Variants in EIF3B observed in about 807,000 individuals in gnomAD.
EIF3B encodes the protein eukaryotic translation initiation factor 3 subunit B, also known as eukaryotic translation initiation factor 3 subunit 9.
Under a neutral mutation model 104.6 loss-of-function variants are expected in EIF3B, and 10 were observed. The ratio of observed to expected loss-of-function variants is 0.10; its 90% CI spans 0.06 to 0.16. The LOEUF (loss-of-function observed/expected upper bound fraction) is 0.16. Among genes scored for constraint, EIF3B ranks in the 10% least tolerant of loss-of-function variants. The pLI, the probability that EIF3B is intolerant of heterozygous loss-of-function variation, is 1.00. For synonymous variants in EIF3B, 542 were observed against 417.2 expected (o/e 1.30, Z -3.65); for missense variants, 1,014 against 1,087.9 (o/e 0.93, Z 0.96).
chr7:2,366,009 T>C (rs1780005669), intron 6 of EIF3B, among the ~76,000 whole-genome samples: 1 of 152,150 alleles, frequency 6.6e-6, no homozygotes, highest in Non-Finnish European at 1.5e-5. Context: ...TTGTTAGTCT[T>C]TATTAAACAT....
At position 2,380,248 on chromosome 7, in the gene EIF3B, C is replaced by A. The variant is rs991040774; in HGVS notation, c.*59C>A. On this transcript the variant is annotated 3_prime_UTR_variant, in exon 19 of 19. Transcript: ENST00000360876. ...GTTCCCGCGCTGAGCTACAGGACTC[C>A]CGAGTGTGAGCCGCGGTTCCTCTGT... is the stretch of plus-strand genomic sequence containing the variant. The A allele has an allele frequency of 2.1e-6, 1 of 473,222 alleles. No individual in the cohort carries two copies. The highest frequency in any genetic ancestry group is 2.2e-5 in the Admixed American group (1 of 45,132). The allele number at this position is 473,222 out of a possible 1,614,324, so 29.3% of individuals were successfully genotyped here.
In EIF3B at chr7:2,362,628, G is replaced by C. The variant is rs765195711; in HGVS notation, c.693-17G>C. The C allele has an allele frequency of 6.2e-7, 1 of 1,614,014 alleles. No individual in the cohort carries two copies. Among genetic ancestry groups the C allele is most frequent in the Admixed American group, 1.7e-5 (1 of 60,016 alleles). On this transcript the variant is annotated splice_polypyrimidine_tract_variant and intron_variant, in intron 2 of 18. Coordinates refer to ENST00000360876, the MANE Select transcript of EIF3B (RefSeq NM_001037283.2). ...CCTTACAGTGTGGGTATGTGCCAAC[G>C]GCCCTCTCTCACTCAGGTATATTTT...
At chr7:2,365,667 GTTTGTTTGT>G (rs1779973572) in intron 6 of EIF3B, among the ~76,000 whole-genome samples, 1 of 107,852 alleles carries the variant, frequency 9.3e-6, no homozygotes, top group African/African-American at 3.1e-5. Context: ...TTGTTTGTTT[GTTTGTTTGT>G]TTTGTTTTTT....
intron 5 of EIF3B, 102 bp from the exon 6 acceptor site, chr7:2,364,270 A>C (rs1779889535): frequency 2.5e-6 from 3 of 1,207,170 alleles, no homozygotes; most frequent in Non-Finnish European, 3.4e-6. Context: ...AAAAAAAAAA[A>C]AAGTTTGTAG....
At chr7:2,368,206 G>A (rs1403554140) in intron 9 of EIF3B, among the ~76,000 whole-genome samples, 1 of 152,104 alleles carries the variant, frequency 6.6e-6, no homozygotes, top group African/African-American at 2.4e-5. Flanking sequence ...ACAGTGGCGT[G>A]ATCTCGGCTG....
chr7:2,366,116 G>A (rs968475156), intron 6 of EIF3B, among the ~76,000 whole-genome samples: 2 of 152,062 alleles, frequency 1.3e-5, no homozygotes, highest in Admixed American at 6.6e-5. Context: ...TGGAGAAACC[G>A]GAGCGCCTGC....
In EIF3B at chr7:2,380,553, G is replaced by A; in HGVS notation, c.*364G>A. On this transcript the variant is annotated 3_prime_UTR_variant, in exon 19 of 19. Coordinates refer to ENST00000360876, the MANE Select transcript of EIF3B (RefSeq NM_001037283.2). ...GGCACCTTCTCCTGCGCCCAGTGAT[G>A]TTTCCACGGTGCCTGTACACAGCCG... 2.6e-6 allele frequency: 1 copy of A among 389,694 alleles called. No homozygotes were observed. Among genetic ancestry groups the A allele is most frequent in the Non-Finnish European group, 5.1e-6 (1 of 196,522 alleles). The allele number at this position is 389,694 out of a possible 1,614,324, so 24.1% of individuals were successfully genotyped here.
chr7:2,363,848 A>G, intron 5 of EIF3B, 88 bp downstream of exon 5: 3 of 1,444,752 alleles, frequency 2.1e-6, no homozygotes, highest in East Asian at 4.7e-5. Flanking sequence ...AGAAAACTGG[A>G]AGAGCAGGTG....
rs986569973 is a variant in EIF3B, at chr7:2,355,413, C to T, written c.492C>T (p.Ser164=). ...SDPEDFVDDV[S]EEELLGDVLK... ...CCGAGGACTTCGTGGACGACGTGAG[C>T]GAGGAAGGTGAGGGCGCCCGGGGCG... The change falls in exon 1 of 19, where the codon AGC becomes AGT. Residue 164 remains serine, a synonymous_variant. Transcript: ENST00000360876. 17 of 1,462,288 alleles carry T rather than the reference C, an allele frequency of 1.2e-5. No homozygotes were observed. Among genetic ancestry groups the T allele is most frequent in the African/African-American group, 1.5e-5 (1 of 68,926 alleles). 90.6% of individuals were successfully genotyped at this position (1,462,288 alleles called of 1,614,324 possible).
intron 15 of EIF3B, among the ~76,000 whole-genome samples, chr7:2,377,329 G>A (rs951327352): frequency 6.6e-6 from 1 of 152,234 alleles, no homozygotes; most frequent in Admixed American, 6.5e-5. Context: ...AGATGCCAGG[G>A]CCATTAAAAA....
At chr7:2,369,393 AGTT>A (rs1176906318) in intron 9 of EIF3B, 76 bp from the exon 10 acceptor site, 4 of 1,446,858 alleles carry the variant, frequency 2.8e-6, no homozygotes, top group South Asian at 2.3e-5. Flanking sequence ...ATAGCAAATG[AGTT>A]GTTCTATTCT....
chr7:2,375,574 G>A (rs201532895), intron 14 of EIF3B, 47 bp downstream of exon 14: 7 of 1,611,762 alleles, frequency 4.3e-6, no homozygotes, highest in Non-Finnish European at 5.9e-6. Context: ...GAAGCAGGGA[G>A]TGCTGGCTAG....
In EIF3B at chr7:2,360,804, C is replaced by G. The variant is rs1779686750; in HGVS notation, c.594C>G (p.Asp198Glu). Residue 198 changes from aspartate (D) to glutamate (E), a missense_variant, in exon 2 of 19, where the codon GAC (aspartate) becomes GAG (glutamate). Asp to Glu is a conservative substitution (Grantham distance 45, BLOSUM62 2). Around this residue, in one of 4 missense-constraint regions of EIF3B, gnomAD observed 488 missense variants for 404.3 expected, o/e 1.21. Coordinates refer to ENST00000360876, the MANE Select transcript of EIF3B (RefSeq NM_001037283.2). ...VVDNVPQVGP[D>E]RLEKLKNVIH... ...ACAATGTCCCTCAGGTGGGACCCGA[C>G]CGACTTGAGAAACTCAAAAATGTCA... 2 of 1,613,602 alleles carry G rather than the reference C, an allele frequency of 1.2e-6. No individual in the cohort carries two copies. Among genetic ancestry groups the G allele is most frequent in the Non-Finnish European group, 1.7e-6 (2 of 1,179,708 alleles).
rs763848296 is a variant in EIF3B, at chr7:2,374,521, C to CT, written c.1811-4dup. On this transcript the variant is annotated splice_polypyrimidine_tract_variant and splice_region_variant and intron_variant, in intron 12 of 18. Transcript: ENST00000360876. The stretch of plus-strand genomic sequence containing the variant: ...CAGCTCGTGACAGGCGCGCTCTTTC[C>CT]TTTCAGAGATGTTCGACAAGCAGCA... 3.7e-6 allele frequency: 6 copies of CT among 1,613,850 alleles called. No homozygotes were observed. The highest frequency in any genetic ancestry group is 5.1e-6 in the Non-Finnish European group (6 of 1,179,848).
intron 9 of EIF3B, 48 bp from the exon 10 acceptor site, chr7:2,369,424 C>T (rs532553945): frequency 2.3e-5 from 36 of 1,579,390 alleles, no homozygotes; most frequent in East Asian, 4.5e-5. Flanking sequence ...TTTTCAGTTT[C>T]GTCATCACTT....
At chr7:2,368,862 T>C (rs1194202254) in intron 9 of EIF3B, among the ~76,000 whole-genome samples, 1 of 152,242 alleles carries the variant, frequency 6.6e-6, no homozygotes, top group Non-Finnish European at 1.5e-5. Context: ...CTTTCGTTTT[T>C]ACATTCTTGG....
In EIF3B at chr7:2,355,241, C is replaced by T. The variant is rs1034549113; in HGVS notation, c.320C>T (p.Ala107Val). 15 of 1,522,840 alleles carry T rather than the reference C, an allele frequency of 9.9e-6. No individual in the cohort carries two copies. The highest frequency in any genetic ancestry group is 2.1e-4 in the Middle Eastern group (1 of 4,874). The allele number at this position is 1,522,840 out of a possible 1,614,324, so 94.3% of individuals were successfully genotyped here. A position where few individuals can be genotyped will look rare whatever the true frequency, so the allele number is the denominator to read the frequency against. Residue 107 changes from alanine to valine, a missense_variant, in exon 1 of 19, where the codon GCC becomes GTC. Physicochemically the swap from Ala to Val is moderately conservative, Grantham distance 64. Transcript: ENST00000360876. ...CCCCCTGTCCCGGCACAGGGCGAGG[C>T]CCCAGGAGAGCAGGCTCGGGACGAG... ...AEPPVPAQGE[A>V]PGEQARDERS...
At chr7:2,379,660 G>A (rs1780887207) in intron 18 of EIF3B, 149 bp downstream of exon 18, 1 of 629,512 alleles carries the variant, frequency 1.6e-6, no homozygotes, top group Non-Finnish European at 2.8e-6. Context: ...AGCCTCGTGT[G>A]AAATGTAGAG....
Position 2,371,767 on chromosome 7 carries a change from T to C in EIF3B, c.1615-10T>C, listed in dbSNP as rs1172711909. On this transcript the variant is annotated splice_polypyrimidine_tract_variant and intron_variant, in intron 10 of 18. Coordinates refer to ENST00000360876, the MANE Select transcript of EIF3B (RefSeq NM_001037283.2). ...CAGAATGTCACCCCTTCCCCCTTTT[T>C]TTTAAACAGGGTGTTGTCACAAATT... The C allele has an allele frequency of 6.2e-7, 1 of 1,608,278 alleles. No homozygotes were observed. Among genetic ancestry groups the C allele is most frequent in the South Asian group, 1.1e-5 (1 of 90,956 alleles).
Sources: gnomAD v4.1 joint callset for allele counts (sites outside exome capture counted in the v4.1 genomes callset) on GRCh38, gnomAD v4.1.1 for gene constraint, gnomAD v4.1.1 regional missense constraint, MANE v1.5 for transcripts, NCBI Gene and HGNC (gene_info 2026-07-23, HGNC 2026-07-21) for gene names.